SLC25A26: variants seen among roughly 807,000 people sequenced by gnomAD.
SLC25A26 encodes solute carrier family 25 member 26.
In SLC25A26, 36 loss-of-function variants were observed where a neutral mutation model predicts 37.8. The observed-to-expected ratio is 0.95, with a 90% CI of 0.73 to 1.26. SLC25A26 has a LOEUF of 1.26. Ranked by LOEUF, SLC25A26 falls within the 50% of genes most tolerant of loss-of-function variation. The probability of loss-of-function intolerance (pLI) is 0.00; values close to 1 mark genes in which losing one functional copy is unlikely to be tolerated. For missense variants in SLC25A26, 390 were observed against 331.1 expected, an observed-to-expected ratio of 1.18 and a Z score of -1.38; for synonymous variants, 129 against 122.5, an observed-to-expected ratio of 1.05 and a Z score of -0.35.
intron 5 of SLC25A26, among the ~76,000 whole-genome samples, chr3:66,323,289 G>C (rs771067678): frequency 1.3e-5 from 2 of 152,194 alleles, no homozygotes; most frequent in Non-Finnish European, 2.9e-5. Context: ...ACATTTTCCA[G>C]TCAACCTTAT....
At chr3:66,189,200 C>G (rs1372668864) in intron 1 of SLC25A26, among the ~76,000 whole-genome samples, 2 of 151,968 alleles carry the variant, frequency 1.3e-5, no homozygotes, top group Non-Finnish European at 2.9e-5. Context: ...CTTATGTTGA[C>G]CCTGACCCTG....
intron 1 of SLC25A26, among the ~76,000 whole-genome samples, chr3:66,192,905 C>A (rs1263432660): frequency 2.6e-5 from 4 of 151,896 alleles, no homozygotes; most frequent in African/African-American, 7.2e-5. Context: ...GAAAAATTAC[C>A]TAGGCAGTTT....
chr3:66,277,582 TC>T (rs2074199303), intron 5 of SLC25A26, among the ~76,000 whole-genome samples: 1 of 152,130 alleles, frequency 6.6e-6, no homozygotes, highest in South Asian at 2.1e-4. Flanking sequence ...GTGTATCAAA[TC>T]ATCACATTGC....
At position 66,230,157 on chromosome 3, in the gene SLC25A26, G is replaced by C. The variant is rs577201350; in HGVS notation, c.34-6387G>C. Among the ~76,000 whole-genome samples the C allele has an allele frequency of 8.7e-5, 11 of 127,108 alleles. No homozygotes were observed. In the South Asian group the frequency reaches 2.1e-3, roughly 24 times the overall value. 83.4% of individuals were successfully genotyped at this position (127,108 alleles called of 152,430 possible). On this transcript the variant is annotated intron_variant, in intron 1 of 9. Transcript: ENST00000354883. ...CTATTTTAGCACCCCTGCTATATAA[G>C]AAACACTCGGTTAGATATTTAGGAA... is the stretch of plus-strand genomic sequence containing the variant.
intron 6 of SLC25A26, among the ~76,000 whole-genome samples, chr3:66,357,794 T>G (rs879869048): frequency 2.4e-4 from 36 of 152,314 alleles, no homozygotes; most frequent in Admixed American, 1.6e-3. Context: ...GTGTGTATTA[T>G]GATGTAGTTC....
intron 1 of SLC25A26, among the ~76,000 whole-genome samples, chr3:66,146,839 A>G (rs1576594594): frequency 6.6e-6 from 1 of 150,702 alleles, no homozygotes; most frequent in South Asian, 2.1e-4. Flanking sequence ...CTCACCTCCC[A>G]CTCTCCCCAC....
intron 1 of SLC25A26, among the ~76,000 whole-genome samples, chr3:66,148,475 A>G (rs1165245228): frequency 6.6e-6 from 1 of 152,112 alleles, no homozygotes; most frequent in Admixed American, 6.6e-5. Context: ...GAGGGGAAGC[A>G]CCCTAGCTTT....
At chr3:66,180,056 A>C (rs1329154427) in intron 1 of SLC25A26, among the ~76,000 whole-genome samples, 1 of 152,188 alleles carries the variant, frequency 6.6e-6, no homozygotes, top group African/African-American at 2.4e-5. Context: ...TCTGGCATCC[A>C]GGCAACAAAC....
intron 5 of SLC25A26, among the ~76,000 whole-genome samples, chr3:66,341,550 G>T (rs549546553): frequency 1.4e-4 from 21 of 152,268 alleles, no homozygotes; most frequent in African/African-American, 5.1e-4. Context: ...AATGTACTGA[G>T]TTGTGTTTGG....
At chr3:66,326,469 G>GC (rs1252990100) in intron 5 of SLC25A26, among the ~76,000 whole-genome samples, 1 of 152,214 alleles carries the variant, frequency 6.6e-6, no homozygotes, top group Non-Finnish European at 1.5e-5. Flanking sequence ...GACAGCTTCT[G>GC]CCCCAGAGGC....
At chr3:66,266,299 G>A (rs1008775995) in intron 5 of SLC25A26, among the ~76,000 whole-genome samples, 6 of 152,168 alleles carry the variant, frequency 3.9e-5, no homozygotes, top group African/African-American at 1.4e-4. Flanking sequence ...TCTGCTTTAA[G>A]CAGAATTTTA....
intron 5 of SLC25A26, among the ~76,000 whole-genome samples, chr3:66,291,644 T>C (rs1380158129): frequency 3.3e-5 from 5 of 152,226 alleles, no homozygotes; most frequent in Non-Finnish European, 1.5e-5. Flanking sequence ...TGAGTTCTAA[T>C]TTGATTGCAC....
chr3:66,361,546 A>C (rs754851297), intron 6 of SLC25A26, among the ~76,000 whole-genome samples: 2 of 152,256 alleles, frequency 1.3e-5, no homozygotes, highest in Non-Finnish European at 2.9e-5. Context: ...AAATGCAGTC[A>C]TTGAGATACG....
chr3:66,243,248 A>T lies in SLC25A26; in HGVS notation c.236A>T (p.His79Leu), dbSNP rs782325382. The T allele has an allele frequency of 6.2e-7, 1 of 1,610,098 alleles. No homozygotes were observed. The highest frequency in any genetic ancestry group is 8.5e-7 in the Non-Finnish European group (1 of 1,177,652). The change falls in exon 3 of 10, where the codon CAT (histidine) becomes CTT (leucine). Residue 79 changes from histidine to leucine, a missense_variant. Transcript: ENST00000354883. ...ITYEYVKWFL[H>L]ADSSSYLTPM... ...TATGAATATGTGAAGTGGTTTTTGC[A>T]TGCTGATTCATCTTCATATTTGACA...
intron 1 of SLC25A26, among the ~76,000 whole-genome samples, chr3:66,160,827 C>T (rs188952718): frequency 6.6e-6 from 1 of 151,938 alleles, no homozygotes; most frequent in Admixed American, 6.5e-5. Flanking sequence ...CCCAGCTACT[C>T]GAGAGGCTGA....
At position 66,280,767 on chromosome 3, in the gene SLC25A26, G is replaced by A. The variant is rs774702118; in HGVS notation, c.453+17388G>A. ...CCCAGGATTCACCAGTTAACATTTT[G>A]CTTAATCTGCTCTGCTCCTCTTTCT... is the stretch of plus-strand genomic sequence containing the variant. On this transcript the variant is annotated intron_variant, in intron 5 of 9. Coordinates refer to ENST00000354883, the MANE Select transcript of SLC25A26 (RefSeq NM_001379210.1). Among the ~76,000 whole-genome samples the A allele has an allele frequency of 8.6e-5, 13 of 151,870 alleles. No individual in the cohort carries two copies. In the Middle Eastern group the frequency reaches 0.01, roughly 119 times the overall value.
rs915508523 is a variant in SLC25A26 at position 66,285,502 on chromosome 3, C to T, written c.453+22123C>T. Among the ~76,000 whole-genome samples, 8 of 143,422 alleles carry T rather than the reference C, an allele frequency of 5.6e-5. 3 individuals are homozygous for T. The highest frequency in any genetic ancestry group is 1.9e-4 in the African/African-American group (7 of 37,534). 94.1% of individuals were successfully genotyped at this position (143,422 alleles called of 152,430 possible). A position where few individuals can be genotyped will look rare whatever the true frequency, so the allele number is the denominator to read the frequency against. On this transcript the variant is annotated intron_variant, in intron 5 of 9. Transcript: ENST00000354883. ...GGTAATAAATTCTTTTAAATAATCC[C>T]AGGCTGGAGTGCAGTGGTGTAGTCA...
chr3:66,270,184 G>T (rs2073908686), intron 5 of SLC25A26, among the ~76,000 whole-genome samples: 1 of 152,214 alleles, frequency 6.6e-6, no homozygotes, highest in East Asian at 1.9e-4. Context: ...ACTTTTCTAA[G>T]ATTTCAGTCT....
intron 1 of SLC25A26, among the ~76,000 whole-genome samples, chr3:66,230,223 C>T (rs1471750784): frequency 3.3e-5 from 5 of 152,120 alleles, no homozygotes; most frequent in Admixed American, 1.3e-4. Flanking sequence ...AGGATCTAAA[C>T]GTCAGACATG....
Sources: allele counts gnomAD v4.1 joint callset (sites outside exome capture counted in the v4.1 genomes callset), GRCh38; gene constraint gnomAD v4.1.1; transcripts MANE v1.5; gene names NCBI Gene and HGNC (gene_info 2026-07-23, HGNC 2026-07-21).